Variants in SLC25A26 observed in about 807,000 individuals in gnomAD.
The protein encoded by SLC25A26 is solute carrier family 25 member 26, also known as mitochondrial S-adenosylmethionine carrier protein.
SLC25A26 carries 36 observed loss-of-function variants against 37.8 expected under a neutral mutation model. That is an observed-to-expected ratio of 0.95 (90% confidence interval 0.73 to 1.26). The LOEUF (loss-of-function observed/expected upper bound fraction) is 1.26, where lower values mean the gene tolerates loss of function less well. Ranked by LOEUF, SLC25A26 falls within the 50% of genes most tolerant of loss-of-function variation. SLC25A26 has a pLI of 0.00. For synonymous variants in SLC25A26, 129 were observed against 122.5 expected (o/e 1.05, Z -0.35); for missense variants, 390 against 331.1 (o/e 1.18, Z -1.38).
intron 3 of SLC25A26, among the ~76,000 whole-genome samples, chr3:66,246,900 C>T (rs782531930): frequency 2.2e-4 from 33 of 152,262 alleles, no homozygotes; most frequent in East Asian, 1.7e-3. Context: ...CTTGCTCTTT[C>T]GCCCATGCTG....
intron 5 of SLC25A26, among the ~76,000 whole-genome samples, chr3:66,297,480 T>C (rs2074942485): frequency 6.6e-6 from 1 of 152,250 alleles, no homozygotes; most frequent in Admixed American, 6.5e-5. Context: ...AAAATATTAC[T>C]ATAACAGTAG....
At chr3:66,350,452 G>A (rs1378275508) in intron 6 of SLC25A26, among the ~76,000 whole-genome samples, 3 of 152,038 alleles carry the variant, frequency 2.0e-5, no homozygotes, top group African/African-American at 4.8e-5. Context: ...TCACTGTTGG[G>A]AATTTGTGGC....
rs1452160753 is a variant in SLC25A26, at chr3:66,176,095, G to C, written c.-354+42111G>C. ...GCTTGAACATGATGTTTGGAAAAAT[G>C]GAATCTTTGAAAAAACACACCTGGC... On this transcript the variant is annotated intron_variant, in intron 1 of 10. Transcript: ENST00000676754. Among the ~76,000 whole-genome samples the C allele has an allele frequency of 2.0e-5, 3 of 152,142 alleles. No individual in the cohort carries two copies. The East Asian group carries it at 5.8e-4, about 29-fold the overall frequency.
At chr3:66,321,272 A>G (rs571658475) in intron 5 of SLC25A26, among the ~76,000 whole-genome samples, 87 of 152,328 alleles carry the variant, frequency 5.7e-4, no homozygotes, top group Admixed American at 1.6e-3. Flanking sequence ...ATTATGATGC[A>G]TGCTAACGTT....
Position 66,175,109 on chromosome 3 carries a change from G to GTATATA in SLC25A26, c.-354+41152_-354+41157dup, listed in dbSNP as rs769631849. Among the ~76,000 whole-genome samples the GTATATA allele has an allele frequency of 6.6e-3, 637 of 97,144 alleles. 5 individuals carry two copies. The highest frequency in any genetic ancestry group is 0.017 in the East Asian group (56 of 3,254). The allele number at this position is 97,144 out of a possible 152,430, so 63.7% of individuals were successfully genotyped here. ...TATATGTATATGTATATGTGTGTGT[G>GTATATA]TATATATATATATATATATATATAT... On this transcript the variant is annotated intron_variant, in intron 1 of 10. Transcript: ENST00000676754.
At chr3:66,225,776 C>G (rs782710188) in intron 1 of SLC25A26, among the ~76,000 whole-genome samples, 1 of 152,194 alleles carries the variant, frequency 6.6e-6, no homozygotes, top group African/African-American at 2.4e-5. Context: ...TCATCTCTCT[C>G]AAGTTCAAAA....
At chr3:66,143,622 G>T (rs1053095315) in intron 1 of SLC25A26, among the ~76,000 whole-genome samples, 3 of 152,188 alleles carry the variant, frequency 2.0e-5, no homozygotes, top group Admixed American at 2.0e-4. Context: ...AGTGGTTCAC[G>T]CCTGTAATCC....
At chr3:66,280,971 C>T (rs1308412985) in intron 5 of SLC25A26, among the ~76,000 whole-genome samples, 2 of 152,134 alleles carry the variant, frequency 1.3e-5, no homozygotes, top group Non-Finnish European at 2.9e-5. Context: ...GTCAATTTCC[C>T]TGATGTCCCA....
At chr3:66,211,609 G>C (rs1453103655) in intron 1 of SLC25A26, among the ~76,000 whole-genome samples, 2 of 152,030 alleles carry the variant, frequency 1.3e-5, no homozygotes, top group African/African-American at 2.4e-5. Context: ...TTGATTATTG[G>C]TTGATTAAGG....
intron 1 of SLC25A26, among the ~76,000 whole-genome samples, chr3:66,181,754 C>T (rs1372178397): frequency 6.6e-6 from 1 of 150,984 alleles, no homozygotes; most frequent in Admixed American, 6.6e-5. Context: ...CTCTGAATTC[C>T]TCCTTCCCTG....
intron 1 of SLC25A26, among the ~76,000 whole-genome samples, chr3:66,158,899 A>G (rs1471449628): frequency 6.6e-6 from 1 of 152,122 alleles, no homozygotes; most frequent in Non-Finnish European, 1.5e-5. Flanking sequence ...AGCAGGATGC[A>G]CTGGGATCCA....
At chr3:66,223,533 C>T (rs1020541780) in intron 1 of SLC25A26, among the ~76,000 whole-genome samples, 1 of 152,118 alleles carries the variant, frequency 6.6e-6, no homozygotes, top group East Asian at 1.9e-4. Flanking sequence ...TCTTGGAGTG[C>T]GTTTGAGACA....
Position 66,342,209 on chromosome 3 carries a change from C to T in SLC25A26, c.454-4155C>T, listed in dbSNP as rs73833470. Among the ~76,000 whole-genome samples the T allele has an allele frequency of 3.0e-3, 449 of 152,200 alleles. 4 individuals carry two copies. Among genetic ancestry groups the T allele is most frequent in the African/African-American group, 0.01 (433 of 41,526 alleles). On this transcript the variant is annotated intron_variant, in intron 5 of 9. Coordinates refer to ENST00000354883, the MANE Select transcript of SLC25A26 (RefSeq NM_001379210.1). ...CTATACATGGCAGGCCTACCAATTC[C>T]ATGCTGTTCTTCAACTAGAGGTCTT... is the stretch of plus-strand genomic sequence containing the variant.
At chr3:66,266,090 C>G (rs1359443470) in intron 5 of SLC25A26, among the ~76,000 whole-genome samples, 1 of 152,192 alleles carries the variant, frequency 6.6e-6, no homozygotes, top group African/African-American at 2.4e-5. Flanking sequence ...TGTGACCTCA[C>G]TGAGATGACT....
chr3:66,261,907 G>GT (rs2073542781), intron 3 of SLC25A26, 144 bp from the exon 4 acceptor site: 2 of 590,006 alleles, frequency 3.4e-6, no homozygotes, highest in East Asian at 6.2e-5. Context: ...AGAGTTTTAG[G>GT]TTAAAAAAAA....
In SLC25A26 at chr3:66,300,502, T is replaced by A. The variant is rs540441991; in HGVS notation, c.453+37123T>A. Among the ~76,000 whole-genome samples the A allele has an allele frequency of 4.6e-5, 7 of 152,340 alleles. No homozygotes were observed. The East Asian group carries it at 7.7e-4, about 17-fold the overall frequency. On this transcript the variant is annotated intron_variant, in intron 5 of 9. Coordinates refer to ENST00000354883, the MANE Select transcript of SLC25A26 (RefSeq NM_001379210.1). ...TTTTCCTATTTGTCTTAAACAATTT[T>A]GAACAATTAAAATCTTAAAAGTACT...
chr3:66,277,584 A>C (rs769596802), intron 5 of SLC25A26, among the ~76,000 whole-genome samples: 19 of 152,146 alleles, frequency 1.2e-4, no homozygotes, highest in Non-Finnish European at 2.5e-4. Flanking sequence ...GTATCAAATC[A>C]TCACATTGCT....
At chr3:66,294,307 C>T (rs1395063702) in intron 5 of SLC25A26, among the ~76,000 whole-genome samples, 1 of 151,974 alleles carries the variant, frequency 6.6e-6, no homozygotes, top group African/African-American at 2.4e-5. Context: ...GAGTTCATTC[C>T]TGATAGGTCT....
chr3:66,163,018 GC>G (rs1407956476), intron 1 of SLC25A26, among the ~76,000 whole-genome samples: 4 of 152,322 alleles, frequency 2.6e-5, no homozygotes, highest in Non-Finnish European at 5.9e-5. Context: ...TAGGAAATCA[GC>G]CTCCTTTCTG....
Sources: allele counts gnomAD v4.1 joint callset (sites outside exome capture counted in the v4.1 genomes callset), GRCh38; gene constraint gnomAD v4.1.1; transcripts MANE v1.5; gene names NCBI Gene and HGNC (gene_info 2026-07-23, HGNC 2026-07-21).